SCAPER: variants seen among roughly 807,000 people sequenced by gnomAD.
The protein encoded by SCAPER is S-phase cyclin A associated protein in the ER.
Under a neutral mutation model 182.2 loss-of-function variants are expected in SCAPER, and 98 were observed. That is an observed-to-expected ratio of 0.54 (90% CI 0.46 to 0.64). The LOEUF is 0.64. Ranked by LOEUF, SCAPER falls within the 30% of genes least tolerant of loss-of-function variation. SCAPER has a pLI of 0.00. For synonymous variants in SCAPER, 605 were observed against 564.6 expected (o/e 1.07, Z -1.01); for missense variants, 1,432 against 1,690.0 (o/e 0.85, Z 2.68).
chr15:76,795,401 G>C lies in SCAPER; in HGVS notation c.651C>G (p.Pro217=), dbSNP rs745891571. 6.2e-7 allele frequency: 1 copy of C among 1,607,866 alleles called. No homozygotes were observed. Among genetic ancestry groups the C allele is most frequent in the African/African-American group, 1.3e-5 (1 of 74,718 alleles). The change falls in exon 8 of 32, where the codon CCC becomes CCG. Residue 217 remains proline, a synonymous_variant. Transcript: ENST00000563290. ...CCTTGTCAGCCCAACTGACACCTGT[G>C]GGAGCCAGACGAGGAGCTGGCACTG... The part of the protein sequence containing the change: ...TGTVPAPRLA[P]TGVSWADKVK...
At chr15:76,847,181 C>T (rs2070181152) in intron 4 of SCAPER, among the ~76,000 whole-genome samples, 1 of 151,826 alleles carries the variant, frequency 6.6e-6, no homozygotes, top group Non-Finnish European at 1.5e-5. Flanking sequence ...ATGATAGTTA[C>T]CAAAGTCTGG....
chr15:76,895,826 G>A (rs940617628), intron 1 of SCAPER, among the ~76,000 whole-genome samples: 1 of 151,990 alleles, frequency 6.6e-6, no homozygotes, highest in Admixed American at 6.6e-5. Context: ...AGATCATGAC[G>A]TCAGGAGATC....
At chr15:76,709,068 G>A (rs974407882) in intron 17 of SCAPER, among the ~76,000 whole-genome samples, 2 of 152,012 alleles carry the variant, frequency 1.3e-5, no homozygotes, top group African/African-American at 4.8e-5. Context: ...AGAAAAAAGA[G>A]TGAAGGAGAG....
rs560767865 is a variant in SCAPER, at chr15:76,651,815, A to G, written c.2645+13838T>C. Among the ~76,000 whole-genome samples, 44 of 138,200 alleles carry G rather than the reference A, an allele frequency of 3.2e-4. No homozygotes were observed. The East Asian group carries it at 3.2e-3, about 10-fold the overall frequency. 90.7% of individuals were successfully genotyped at this position (138,200 alleles called of 152,430 possible). On this transcript the variant is annotated intron_variant, in intron 21 of 31. Transcript: ENST00000563290. ...CCAGAATTTGGCAGAGGCACAATGG[A>G]AAAAAAAAAAAAAAACTTCAGACTA... is the stretch of plus-strand genomic sequence containing the variant.
intron 10 of SCAPER, among the ~76,000 whole-genome samples, chr15:76,770,228 T>C (rs1039499850): frequency 6.6e-6 from 1 of 151,244 alleles, no homozygotes; most frequent in Non-Finnish European, 1.5e-5. Flanking sequence ...GGGGGAGGGA[T>C]AGCATTAGGA....
At chr15:76,665,533 T>C in intron 21 of SCAPER, 120 bp downstream of exon 21, 1 of 1,193,062 alleles carries the variant, frequency 8.4e-7, no homozygotes, top group Non-Finnish European at 1.1e-6. Context: ...GGCTCATCAG[T>C]GTTATTTCCA....
chr15:76,428,687 C>G (rs1270942356), intron 26 of SCAPER, among the ~76,000 whole-genome samples: 1 of 151,418 alleles, frequency 6.6e-6, no homozygotes, highest in Admixed American at 6.6e-5. Context: ...GGGTACAAGG[C>G]TACAATTAAA....
intron 5 of SCAPER, among the ~76,000 whole-genome samples, chr15:76,823,487 A>G (rs961148747): frequency 2.0e-5 from 3 of 150,968 alleles, no homozygotes; most frequent in Non-Finnish European, 4.4e-5. Flanking sequence ...AAATAAATAA[A>G]TTAAAATAAA....
At chr15:76,902,869 C>T (rs2074868233) in intron 1 of SCAPER, among the ~76,000 whole-genome samples, 1 of 151,830 alleles carries the variant, frequency 6.6e-6, no homozygotes, top group Non-Finnish European at 1.5e-5. Flanking sequence ...CCAGCATGGC[C>T]AACATGGTGA....
chr15:76,609,344 C>G (rs1361926001), intron 22 of SCAPER, among the ~76,000 whole-genome samples: 1 of 149,818 alleles, frequency 6.7e-6, no homozygotes, highest in Non-Finnish European at 1.5e-5. Context: ...AAAAAAAATG[C>G]TGGGCATGGT....
At chr15:76,680,954 A>G (rs1005684131) in intron 20 of SCAPER, among the ~76,000 whole-genome samples, 2 of 152,234 alleles carry the variant, frequency 1.3e-5, no homozygotes, top group African/African-American at 4.8e-5. Context: ...ACATGAAGAC[A>G]AACACACAAT....
chr15:76,749,518 C>G (rs1363569096), intron 15 of SCAPER, among the ~76,000 whole-genome samples: 13 of 151,950 alleles, frequency 8.6e-5, no homozygotes, highest in Admixed American at 8.5e-4. Context: ...AAATAAAAAA[C>G]ATACAGACTG....
At chr15:76,737,550 T>C (rs895955292) in intron 15 of SCAPER, among the ~76,000 whole-genome samples, 6 of 152,244 alleles carry the variant, frequency 3.9e-5, no homozygotes, top group African/African-American at 7.2e-5. Flanking sequence ...TTAAGGAGCA[T>C]TGGCTTCAAC....
intron 23 of SCAPER, among the ~76,000 whole-genome samples, chr15:76,509,640 C>T (rs1231399905): frequency 6.6e-6 from 1 of 151,964 alleles, no homozygotes; most frequent in Admixed American, 6.6e-5. Flanking sequence ...TGAAAATAAC[C>T]ACATTGCCAA....
intron 26 of SCAPER, among the ~76,000 whole-genome samples, chr15:76,417,703 C>A (rs1207777162): frequency 6.6e-6 from 1 of 152,086 alleles, no homozygotes; most frequent in Non-Finnish European, 1.5e-5. Flanking sequence ...GAATACATGT[C>A]TTATGTTTGA....
At chr15:76,423,995 T>C (rs2046240560) in intron 26 of SCAPER, among the ~76,000 whole-genome samples, 5 of 152,254 alleles carry the variant, frequency 3.3e-5, no homozygotes, top group Admixed American at 2.6e-4. Context: ...CAGTTTGTTA[T>C]AATTTCTGTT....
chr15:76,481,745 T>C (rs2051159108), intron 24 of SCAPER, among the ~76,000 whole-genome samples: 2 of 152,240 alleles, frequency 1.3e-5, no homozygotes, highest in Admixed American at 1.3e-4. Flanking sequence ...TTGCATTTTA[T>C]TATGCTTTTA....
intron 25 of SCAPER, among the ~76,000 whole-genome samples, chr15:76,441,450 T>C (rs148046083): frequency 6.6e-6 from 1 of 152,320 alleles, no homozygotes; most frequent in Non-Finnish European, 1.5e-5. Flanking sequence ...ATACTTCCTC[T>C]GCTCAACACA....
intron 15 of SCAPER, among the ~76,000 whole-genome samples, chr15:76,746,278 T>C (rs1218206908): frequency 1.3e-5 from 2 of 152,204 alleles, no homozygotes; most frequent in Non-Finnish European, 2.9e-5. Context: ...CCAAAATCCA[T>C]AGATGCTGAA....
Sources: gnomAD v4.1 joint callset for allele counts (sites outside exome capture counted in the v4.1 genomes callset) on GRCh38, gnomAD v4.1.1 for gene constraint, MANE v1.5 for transcripts, NCBI Gene and HGNC (gene_info 2026-07-23, HGNC 2026-07-21) for gene names.